Variants in SLC1A2 observed in about 807,000 individuals in gnomAD.
SLC1A2 encodes the protein solute carrier family 1 member 2.
Under a neutral mutation model 48.8 loss-of-function variants are expected in SLC1A2, and 15 were observed. The observed-to-expected ratio is 0.31, with a 90% CI of 0.21 to 0.47. The LOEUF (loss-of-function observed/expected upper bound fraction) is 0.47. Ranked by LOEUF, SLC1A2 falls within the 20% of genes least tolerant of loss-of-function variation. SLC1A2 has a pLI of 0.99. For synonymous variants in SLC1A2, 279 were observed against 272.6 expected, an observed-to-expected ratio of 1.02 and a Z score of -0.23; for missense variants, 502 against 730.5, an observed-to-expected ratio of 0.69 and a Z score of 3.61.
upstream of SLC1A2, among the ~76,000 whole-genome samples, chr11:35,420,265 C>T (rs1035806832): frequency 6.6e-6 from 1 of 151,222 alleles, no homozygotes; most frequent in African/African-American, 2.4e-5. Flanking sequence ...TCGCCGCCTG[C>T]TTCCGTGTCC....
intron 10 of SLC1A2, among the ~76,000 whole-genome samples, 158 bp from the exon 11 acceptor site, chr11:35,261,123 G>C (rs1950388230): frequency 6.6e-6 from 1 of 152,124 alleles, no homozygotes; most frequent in Admixed American, 6.5e-5. Flanking sequence ...ACCTGTCTTG[G>C]GTTTCAACAG....
At chr11:35,341,996 T>C (rs1852856964) in intron 1 of SLC1A2, among the ~76,000 whole-genome samples, 1 of 152,194 alleles carries the variant, frequency 6.6e-6, no homozygotes, top group African/African-American at 2.4e-5. Context: ...TTTAAGAAGT[T>C]GAAAATTGCA....
chr11:35,355,876 C>T (rs958617336), intron 1 of SLC1A2, among the ~76,000 whole-genome samples: 28 of 141,516 alleles, frequency 2.0e-4, no homozygotes, highest in African/African-American at 7.6e-4. Flanking sequence ...CAGAGCAAGA[C>T]TCCATCTCAT....
rs183237925 is a variant in SLC1A2 at position 35,378,821 on chromosome 11, C to T, written c.17+40129G>A. 1.9e-4 allele frequency among the ~76,000 whole-genome samples: 29 copies of T among 152,264 alleles called. No individual in the cohort carries two copies. In the South Asian group the frequency reaches 6.0e-3, roughly 32 times the overall value. The stretch of plus-strand genomic sequence containing the variant: ...TGCAGTTAAAGTTGGCAATACCTGG[C>T]CAGATTGGCAAGGATGCATAGCCAA... On this transcript the variant is annotated intron_variant, in intron 1 of 10. Coordinates refer to ENST00000278379, the MANE Select transcript of SLC1A2 (RefSeq NM_004171.4).
chr11:35,317,324 C>T (rs1196677144), intron 2 of SLC1A2, 53 bp downstream of exon 2: 4 of 1,586,822 alleles, frequency 2.5e-6, no homozygotes, highest in African/African-American at 1.3e-5. Flanking sequence ...CCCACAGAGC[C>T]AGGAGAGTCC....
At chr11:35,407,129 T>C (rs1260261085) in intron 1 of SLC1A2, among the ~76,000 whole-genome samples, 1 of 151,626 alleles carries the variant, frequency 6.6e-6, no homozygotes, top group African/African-American at 2.4e-5. Context: ...TACATCCAAC[T>C]CTAGCTTGCT....
intron 1 of SLC1A2, among the ~76,000 whole-genome samples, chr11:35,335,459 G>T (rs1234875291): frequency 1.3e-5 from 2 of 152,150 alleles, no homozygotes; most frequent in Non-Finnish European, 2.9e-5. Context: ...TACTCCTCTG[G>T]CCTGTAATCA....
intron 1 of SLC1A2, among the ~76,000 whole-genome samples, chr11:35,324,087 G>T (rs1852161311): frequency 6.6e-6 from 1 of 152,228 alleles, no homozygotes; most frequent in Non-Finnish European, 1.5e-5. Context: ...GATAAGATGA[G>T]AAATCGAAGG....
At chr11:35,400,231 A>G (rs1855093369) in intron 1 of SLC1A2, among the ~76,000 whole-genome samples, 1 of 152,230 alleles carries the variant, frequency 6.6e-6, no homozygotes, top group Non-Finnish European at 1.5e-5. Context: ...AACGTTTATA[A>G]TAGTGAAAAA....
intron 1 of SLC1A2, among the ~76,000 whole-genome samples, chr11:35,321,792 T>C (rs1852077532): frequency 6.6e-6 from 1 of 152,094 alleles, no homozygotes; most frequent in Non-Finnish European, 1.5e-5. Context: ...ACACAGTAAG[T>C]CACGTCCAGT....
At position 35,255,084 on chromosome 11, in the gene SLC1A2, AG is replaced by A. The variant is rs1950295558; in HGVS notation, c.*5809del. 1 of 300,558 alleles carries A rather than the reference AG, an allele frequency of 3.3e-6. No individual in the cohort carries two copies. The highest frequency in any genetic ancestry group is 2.9e-5 in the South Asian group (1 of 34,458). The allele number at this position is 300,558 out of a possible 1,614,324, so 18.6% of individuals were successfully genotyped here. A position where few individuals can be genotyped will look rare whatever the true frequency, so the allele number is the denominator to read the frequency against. On this transcript the variant is annotated 3_prime_UTR_variant, in exon 11 of 11. Coordinates refer to ENST00000278379, the MANE Select transcript of SLC1A2 (RefSeq NM_004171.4). ...CCGAAAAACAAAACCCAATCCTTTCAGTCCTAGCTTTACATCTTGCCCTTGC... is the reference window on the plus strand; with the variant it reads ...CCGAAAAACAAAACCCAATCCTTTCATCCTAGCTTTACATCTTGCCCTTGC...
At chr11:35,357,960 C>A (rs1483014676) in intron 1 of SLC1A2, among the ~76,000 whole-genome samples, 1 of 152,070 alleles carries the variant, frequency 6.6e-6, no homozygotes, top group African/African-American at 2.4e-5. Flanking sequence ...TCCTGGCCAA[C>A]GTGGTAAAAC....
At chr11:35,303,699 A>C (rs916701547) in intron 5 of SLC1A2, among the ~76,000 whole-genome samples, 1 of 152,220 alleles carries the variant, frequency 6.6e-6, no homozygotes, top group Admixed American at 6.5e-5. Context: ...GAAACTGGCC[A>C]TATCTATGAG....
chr11:35,411,674 T>G (rs1236871691), intron 1 of SLC1A2, among the ~76,000 whole-genome samples: 1 of 150,756 alleles, frequency 6.6e-6, no homozygotes, highest in African/African-American at 2.5e-5. Context: ...AGCAGTTAGC[T>G]TTCCATGATA....
chr11:35,259,117 C>T lies in SLC1A2; in HGVS notation c.*1777G>A, dbSNP rs1342331236. The T allele has an allele frequency of 6.6e-6, 1 of 152,490 alleles. No homozygotes were observed. Among genetic ancestry groups the T allele is most frequent in the African/African-American group, 2.4e-5 (1 of 41,388 alleles). 9.4% of individuals were successfully genotyped at this position (152,490 alleles called of 1,614,324 possible). A position where few individuals can be genotyped will look rare whatever the true frequency, so the allele number is the denominator to read the frequency against. ...AGTAGTGATCCTTATCCAAAAATCA[C>T]TAGGGTTTAGGAGACAAAAACAACT... On this transcript the variant is annotated 3_prime_UTR_variant, in exon 11 of 11. Coordinates refer to ENST00000278379, the MANE Select transcript of SLC1A2 (RefSeq NM_004171.4).
At chr11:35,272,225 AG>A (rs1850298458) in intron 9 of SLC1A2, among the ~76,000 whole-genome samples, 1 of 152,250 alleles carries the variant, frequency 6.6e-6, no homozygotes, top group East Asian at 1.9e-4. Flanking sequence ...GTGGAGATAA[AG>A]GCCATTTCCT....
rs1950305601 is a variant in SLC1A2, at chr11:35,255,670, C to T, written c.*5224G>A. ...TTCAGAGAGGGCTCTGTTGCTACAG[C>T]AGCAATGATGCAACAGCTTGAGTGA... On this transcript the variant is annotated 3_prime_UTR_variant, in exon 11 of 11. Coordinates refer to ENST00000278379, the MANE Select transcript of SLC1A2 (RefSeq NM_004171.4). 1 of 152,192 alleles carries T rather than the reference C, an allele frequency of 6.6e-6. No individual in the cohort carries two copies. The highest frequency in any genetic ancestry group is 1.5e-5 in the Non-Finnish European group (1 of 68,046). The allele number at this position is 152,192 out of a possible 1,614,324, so 9.4% of individuals were successfully genotyped here. A position where few individuals can be genotyped will look rare whatever the true frequency, so the allele number is the denominator to read the frequency against.
At chr11:35,269,917 C>A (rs995924548) in intron 9 of SLC1A2, among the ~76,000 whole-genome samples, 1 of 151,968 alleles carries the variant, frequency 6.6e-6, no homozygotes, top group African/African-American at 2.4e-5. Context: ...CAAGACCACC[C>A]TGGTCTCTAC....
chr11:35,369,826 G>A (rs1366613397), intron 1 of SLC1A2, among the ~76,000 whole-genome samples: 1 of 152,154 alleles, frequency 6.6e-6, no homozygotes. Flanking sequence ...GGATAGCATG[G>A]CAGTAACTCA....
Sources: gnomAD v4.1 joint callset for allele counts (sites outside exome capture counted in the v4.1 genomes callset) on GRCh38, gnomAD v4.1.1 for gene constraint, MANE v1.5 for transcripts, NCBI Gene and HGNC (gene_info 2026-07-23, HGNC 2026-07-21) for gene names.